MTAP: variants seen among roughly 807,000 people sequenced by gnomAD.
MTAP encodes the protein methylthioadenosine phosphorylase.
Under a neutral mutation model 33.6 loss-of-function variants are expected in MTAP, and 33 were observed. The observed-to-expected ratio is 0.98, with a 90% CI of 0.74 to 1.31. MTAP has a LOEUF of 1.31. Among genes scored for constraint, MTAP ranks in the 40% most tolerant of loss-of-function variants. The probability of loss-of-function intolerance (pLI) is 0.00; values close to 1 mark genes in which losing one functional copy is unlikely to be tolerated. For synonymous variants in MTAP, 148 were observed against 125.7 expected (o/e 1.18, Z -1.19); for missense variants, 367 against 360.0 (o/e 1.02, Z -0.16).
Position 21,863,494 on chromosome 9 carries a change from C to T in MTAP, c.*1480C>T, listed in dbSNP as rs540167560. ...TGGTGGTGGGCACCTGTAGTCCCAG[C>T]TACTCAGGAGGCTGAGGCAGGAGAA... is the stretch of plus-strand genomic sequence containing the variant. On this transcript the variant is annotated 3_prime_UTR_variant, in exon 8 of 8. Transcript: ENST00000644715. 5.9e-6 allele frequency: 3 copies of T among 506,004 alleles called. No individual in the cohort carries two copies. In the South Asian group the frequency reaches 2.5e-4, roughly 43 times the overall value. 31.3% of individuals were successfully genotyped at this position (506,004 alleles called of 1,614,324 possible).
At chr9:21,825,496 G>C (rs1824771096) in intron 4 of MTAP, among the ~76,000 whole-genome samples, 2 of 152,228 alleles carry the variant, frequency 1.3e-5, no homozygotes, top group South Asian at 2.1e-4. Context: ...CAAGGGTTCT[G>C]TTTTTGTCAC....
intron 1 of MTAP, among the ~76,000 whole-genome samples, chr9:21,873,348 T>A (rs1236508077): frequency 6.6e-6 from 1 of 152,166 alleles, no homozygotes; most frequent in Non-Finnish European, 1.5e-5. Flanking sequence ...TTGGTCTGAA[T>A]TTCTGTGTCC....
At chr9:21,897,640 A>G (rs1310937878) in intron 1 of MTAP, among the ~76,000 whole-genome samples, 4 of 152,250 alleles carry the variant, frequency 2.6e-5, no homozygotes, top group Admixed American at 2.0e-4. Context: ...AATTGCTTCA[A>G]AGAGAATAAA....
intron 1 of MTAP, among the ~76,000 whole-genome samples, chr9:21,917,468 G>C (rs1257210809): frequency 6.6e-6 from 1 of 152,090 alleles, no homozygotes; most frequent in Admixed American, 6.5e-5. Context: ...CAACTGGTGA[G>C]GAAAAAGGAA....
chr9:21,864,249 A>G lies in MTAP; in HGVS notation c.*2235A>G, dbSNP rs1825811899. ...CTCTTTTCTTTGTTCTCAATCATTCACTCCTTATGCAAAGCCAATATAATT... is the reference window on the plus strand; with the variant it reads ...CTCTTTTCTTTGTTCTCAATCATTCGCTCCTTATGCAAAGCCAATATAATT... On this transcript the variant is annotated 3_prime_UTR_variant, in exon 8 of 8. Transcript: ENST00000644715. The G allele has an allele frequency of 1.0e-6, 1 of 985,152 alleles. No homozygotes were observed. The highest frequency in any genetic ancestry group is 1.2e-6 in the Non-Finnish European group (1 of 829,876). The allele number at this position is 985,152 out of a possible 1,614,324, so 61.0% of individuals were successfully genotyped here.
chr9:21,901,943 T>A (rs1313723682), intron 1 of MTAP, among the ~76,000 whole-genome samples: 2 of 152,194 alleles, frequency 1.3e-5, no homozygotes, highest in Non-Finnish European at 2.9e-5. Flanking sequence ...AAGGAAAATA[T>A]GACAAATGTT....
At chr9:21,906,344 A>C (rs898937703) in intron 1 of MTAP, among the ~76,000 whole-genome samples, 1 of 152,222 alleles carries the variant, frequency 6.6e-6, no homozygotes, top group Non-Finnish European at 1.5e-5. Context: ...GTGAAAAAAA[A>C]CATTAAAAAT....
intron 1 of MTAP, among the ~76,000 whole-genome samples, chr9:21,918,158 G>A (rs1396115828): frequency 7.7e-6 from 1 of 130,422 alleles, no homozygotes; most frequent in East Asian, 1.9e-4. Flanking sequence ...AGACCATCCC[G>A]GCTAAAACGG....
chr9:21,833,606 A>G (rs1429084127), intron 4 of MTAP, among the ~76,000 whole-genome samples: 1 of 152,112 alleles, frequency 6.6e-6, no homozygotes, highest in Non-Finnish European at 1.5e-5. Flanking sequence ...GGGTAGATTC[A>G]CTTCCCCTAA....
At chr9:21,846,616 G>A (rs1425760755) in intron 5 of MTAP, among the ~76,000 whole-genome samples, 1 of 149,418 alleles carries the variant, frequency 6.7e-6, no homozygotes. Context: ...GGTGTAAAGG[G>A]AACACTTTTA....
chr9:21,914,196 G>C (rs1367525702), intron 1 of MTAP, among the ~76,000 whole-genome samples: 1 of 152,166 alleles, frequency 6.6e-6, no homozygotes, highest in African/African-American at 2.4e-5. Context: ...CTGTAAACTA[G>C]TTCAACCATT....
At chr9:21,905,599 A>G (rs1344056926) in intron 1 of MTAP, among the ~76,000 whole-genome samples, 1 of 152,036 alleles carries the variant, frequency 6.6e-6, no homozygotes, top group East Asian at 1.9e-4. Context: ...TGTAGCAAAC[A>G]CTGTGTTAAG....
intron 3 of MTAP, 118 bp downstream of exon 3, chr9:21,816,890 T>C (rs774153158): frequency 4.1e-5 from 33 of 795,596 alleles, no homozygotes; most frequent in Non-Finnish European, 5.7e-5. Context: ...AATCAGAACA[T>C]CTTAGTAACC....
At chr9:21,859,524 A>T (rs984046255) in intron 7 of MTAP, 99 bp downstream of exon 7, 3 of 1,370,578 alleles carry the variant, frequency 2.2e-6, no homozygotes, top group Non-Finnish European at 2.9e-6. Flanking sequence ...ATTTTATGCC[A>T]GCCTAGATGT....
chr9:21,881,571 G>A (rs1818011368), intron 1 of MTAP, among the ~76,000 whole-genome samples: 1 of 152,066 alleles, frequency 6.6e-6, no homozygotes, highest in African/African-American at 2.4e-5. Flanking sequence ...AAAGTGGGCA[G>A]AAGACTTGAA....
downstream of MTAP, among the ~76,000 whole-genome samples, chr9:21,938,657 C>G (rs1423929185): frequency 6.6e-6 from 1 of 152,074 alleles, no homozygotes; most frequent in Non-Finnish European, 1.5e-5. Flanking sequence ...TCAGAAATAA[C>G]AAATTACATT....
At chr9:21,848,137 ATGGC>A (rs1825426325) in intron 5 of MTAP, among the ~76,000 whole-genome samples, 1 of 152,176 alleles carries the variant, frequency 6.6e-6, no homozygotes, top group Non-Finnish European at 1.5e-5. Flanking sequence ...GGCAACAGTG[ATGGC>A]CTCCCCTGAG....
intron 1 of MTAP, among the ~76,000 whole-genome samples, chr9:21,884,674 T>C (rs1002029037): frequency 1.1e-4 from 17 of 152,142 alleles, no homozygotes; most frequent in Non-Finnish European, 5.9e-5. Context: ...AGTTTCTTTC[T>C]CTTCTTATAA....
At chr9:21,909,412 A>G (rs1242345301) in intron 1 of MTAP, among the ~76,000 whole-genome samples, 1 of 152,140 alleles carries the variant, frequency 6.6e-6, no homozygotes, top group Non-Finnish European at 1.5e-5. Flanking sequence ...TATAGAATTA[A>G]ATCTGTGTCA....
Sources: allele counts gnomAD v4.1 joint callset (sites outside exome capture counted in the v4.1 genomes callset), GRCh38; gene constraint gnomAD v4.1.1; transcripts MANE v1.5; gene names NCBI Gene and HGNC (gene_info 2026-07-23, HGNC 2026-07-21).